Variants in PERCC1 observed in about 807,000 individuals in gnomAD.
The protein encoded by PERCC1 is protein PERCC1.
intron 1 of PERCC1, 75 bp from the exon 2 acceptor site, chr16:1,432,472 C>T (rs7201572): frequency 0.33 from 133,081 of 397,564 alleles, 25,840 homozygotes; most frequent in East Asian, 0.74. Flanking sequence ...GTGTGAGATC[C>T]GAGGGCAGCA....
chr16:1,434,053 C>G lies in PERCC1; in HGVS notation c.*656C>G, dbSNP rs1023828796. Among the ~76,000 whole-genome samples, 6 of 72,648 alleles carry G rather than the reference C, an allele frequency of 8.3e-5. No individual in the cohort carries two copies. Among genetic ancestry groups the G allele is most frequent in the African/African-American group, 4.9e-4 (6 of 12,150 alleles). The allele number at this position is 72,648 out of a possible 152,430, so 47.7% of individuals were successfully genotyped here. A position where few individuals can be genotyped will look rare whatever the true frequency, so the allele number is the denominator to read the frequency against. On this transcript the variant is annotated 3_prime_UTR_variant, in exon 2 of 2. Coordinates refer to ENST00000640283, the MANE Select transcript of PERCC1 (RefSeq NM_001365310.2). Reference sequence around the variant, plus strand: ...AGTCCAGGGGGCTTCCCCGGGTCCTCCTCACAACCCGGGCAGGGGCAGCTC... The same window carrying G: ...AGTCCAGGGGGCTTCCCCGGGTCCTGCTCACAACCCGGGCAGGGGCAGCTC...
Position 1,434,440 on chromosome 16 carries a change from G to C in PERCC1, c.*1043G>C. ...TGGATAAACAGTGAGGGTGTGAGCT[G>C]CTGCACCTGCTCCTGGCTGTGGGGC... On this transcript the variant is annotated 3_prime_UTR_variant, in exon 2 of 2. Transcript: ENST00000640283. 1 of 1,550,364 alleles carries C rather than the reference G, an allele frequency of 6.5e-7. No homozygotes were observed. The highest frequency in any genetic ancestry group is 1.2e-5 in the South Asian group (1 of 84,062).
rs2038443993 is a variant in PERCC1, at chr16:1,431,091, G to A, written c.-65G>A. On this transcript the variant is annotated 5_prime_UTR_variant, in exon 1 of 2. Transcript: ENST00000640283. Reference sequence around the variant, plus strand: ...GTGAAGGTCTGCCTGTGGAGCAAGAGCTGTCGGCCCCGGCCAGGTAGGAGC... The same window carrying A: ...GTGAAGGTCTGCCTGTGGAGCAAGAACTGTCGGCCCCGGCCAGGTAGGAGC... The A allele has an allele frequency of 6.6e-6, 1 of 152,312 alleles. No individual in the cohort carries two copies. The highest frequency in any genetic ancestry group is 1.5e-5 in the Non-Finnish European group (1 of 68,094). 9.4% of individuals were successfully genotyped at this position (152,312 alleles called of 1,614,324 possible).
At chr16:1,432,313 T>C (rs1054025351) in intron 1 of PERCC1, among the ~76,000 whole-genome samples, 4 of 150,962 alleles carry the variant, frequency 2.6e-5, no homozygotes, top group African/African-American at 4.9e-5. Context: ...CAGCACCCCC[T>C]GGCCGGCCAT....
In PERCC1 at chr16:1,432,765, C is replaced by T. The variant is rs561536789; in HGVS notation, c.172C>T (p.Arg58Trp). The T allele has an allele frequency of 5.4e-4, 217 of 399,122 alleles. No individual in the cohort carries two copies. Among genetic ancestry groups the T allele is most frequent in the Non-Finnish European group, 8.0e-4 (181 of 226,424 alleles). 24.7% of individuals were successfully genotyped at this position (399,122 alleles called of 1,614,324 possible). A position where few individuals can be genotyped will look rare whatever the true frequency, so the allele number is the denominator to read the frequency against. The change falls in exon 2 of 2, where the codon CGG becomes TGG. Residue 58 changes from arginine (R) to tryptophan (W), a missense_variant. Physicochemically the swap from Arg to Trp is moderately radical, Grantham distance 101 (BLOSUM62 -3). Coordinates refer to ENST00000640283, the MANE Select transcript of PERCC1 (RefSeq NM_001365310.2). ...GGGCGAGGGGCTGGGGGGCTGCGGC[C>T]GGATCCTCCCGAGCTCAGGCCGGGC... is the stretch of plus-strand genomic sequence containing the variant. ...GEGEGLGGCG[R>W]ILPSSGRAEA...
chr16:1,432,570 C>A lies in PERCC1; in HGVS notation c.-24C>A. The A allele has an allele frequency of 2.5e-6, 1 of 398,884 alleles. No individual in the cohort carries two copies. Among genetic ancestry groups the A allele is most frequent in the Non-Finnish European group, 4.4e-6 (1 of 226,120 alleles). 24.7% of individuals were successfully genotyped at this position (398,884 alleles called of 1,614,324 possible). A position where few individuals can be genotyped will look rare whatever the true frequency, so the allele number is the denominator to read the frequency against. ...AGCCAGCGCCTGCTGCCCCGGAGGC[C>A]CCAGAAGCGTGGGACGCGCGGAGAT... On this transcript the variant is annotated 5_prime_UTR_variant, in exon 2 of 2. Coordinates refer to ENST00000640283, the MANE Select transcript of PERCC1 (RefSeq NM_001365310.2).
rs1449917571 is a variant in PERCC1 at position 1,432,694 on chromosome 16, A to G, written c.101A>G (p.Glu34Gly). 7.7e-6 allele frequency: 3 copies of G among 387,808 alleles called. No homozygotes were observed. Among genetic ancestry groups the G allele is most frequent in the Non-Finnish European group, 9.0e-6 (2 of 223,220 alleles). The allele number at this position is 387,808 out of a possible 1,614,324, so 24.0% of individuals were successfully genotyped here. The stretch of plus-strand genomic sequence containing the variant: ...GATCCGGAGCCCCCAGAGACTTCGG[A>G]GGAGGAAGAGGAGGAGGAGGAGGAG... ...PSDPEPPETS[E>G]EEEEEEEEEE... The change falls in exon 2 of 2, where the codon GAG (glutamate) becomes GGG (glycine). Residue 34 changes from glutamate to glycine, a missense_variant. By Grantham distance (98) the Glu-to-Gly change is moderately conservative. Transcript: ENST00000640283.
chr16:1,431,423 C>T (rs1343214494), intron 1 of PERCC1, among the ~76,000 whole-genome samples: 2 of 152,036 alleles, frequency 1.3e-5, no homozygotes, highest in Non-Finnish European at 2.9e-5. Context: ...GGTCGGGAGG[C>T]CTCGCAGTTC....
rs960899212 is a variant in PERCC1 at position 1,434,044 on chromosome 16, C to T, written c.*647C>T. Among the ~76,000 whole-genome samples, 1 of 109,904 alleles carries T rather than the reference C, an allele frequency of 9.1e-6. No individual in the cohort carries two copies. Among genetic ancestry groups the T allele is most frequent in the Non-Finnish European group, 1.8e-5 (1 of 55,222 alleles). The allele number at this position is 109,904 out of a possible 152,430, so 72.1% of individuals were successfully genotyped here. A position where few individuals can be genotyped will look rare whatever the true frequency, so the allele number is the denominator to read the frequency against. ...GGGAGCCCGAGTCCAGGGGGCTTCC[C>T]CGGGTCCTCCTCACAACCCGGGCAG... On this transcript the variant is annotated 3_prime_UTR_variant, in exon 2 of 2. Transcript: ENST00000640283.
chr16:1,433,894 G>A lies in PERCC1; in HGVS notation c.*497G>A, dbSNP rs772074169. Among the ~76,000 whole-genome samples, 6 of 152,234 alleles carry A rather than the reference G, an allele frequency of 3.9e-5. No individual in the cohort carries two copies. The highest frequency in any genetic ancestry group is 2.6e-4 in the Admixed American group (4 of 15,288). On this transcript the variant is annotated 3_prime_UTR_variant, in exon 2 of 2. Coordinates refer to ENST00000640283, the MANE Select transcript of PERCC1 (RefSeq NM_001365310.2). Reference sequence around the variant, plus strand: ...CCGCGGGATGAGCGAGGGCTTTCTTGGAGAGGCAGGAAGAGGGGCCCACTG... The same window carrying A: ...CCGCGGGATGAGCGAGGGCTTTCTTAGAGAGGCAGGAAGAGGGGCCCACTG...
At position 1,432,054 on chromosome 16, in the gene PERCC1, C is replaced by G. The variant is rs1295992513; in HGVS notation, c.-47-493C>G. 3.3e-5 allele frequency among the ~76,000 whole-genome samples: 5 copies of G among 152,166 alleles called. No individual in the cohort carries two copies. The East Asian group carries it at 9.6e-4, about 29-fold the overall frequency. On this transcript the variant is annotated intron_variant, in intron 1 of 1. Coordinates refer to ENST00000640283, the MANE Select transcript of PERCC1 (RefSeq NM_001365310.2). ...TGGTTCTGACCCACAGCAGCCCCAGCCCGGGACCCAGCTCCGGCTCAGCAG... is the reference window on the plus strand; with the variant it reads ...TGGTTCTGACCCACAGCAGCCCCAGGCCGGGACCCAGCTCCGGCTCAGCAG...
At chr16:1,432,337 C>T (rs912985128) in intron 1 of PERCC1, among the ~76,000 whole-genome samples, 4 of 152,238 alleles carry the variant, frequency 2.6e-5, no homozygotes, top group Non-Finnish European at 5.9e-5. Context: ...CCTCATGCCA[C>T]GGCCATGCGG....
rs529284580 is a variant in PERCC1 at position 1,433,607 on chromosome 16, T to G, written c.*210T>G. On this transcript the variant is annotated 3_prime_UTR_variant, in exon 2 of 2. Transcript: ENST00000640283. ...TGGCCTTCAGCCCCAGCAGAGCCCC[T>G]GGAGGGGCACAGGGGCCCCCAGAGC... is the stretch of plus-strand genomic sequence containing the variant. 6.6e-6 allele frequency among the ~76,000 whole-genome samples: 1 copy of G among 152,138 alleles called. No homozygotes were observed. Among genetic ancestry groups the G allele is most frequent in the East Asian group, 1.9e-4 (1 of 5,174 alleles).
At position 1,434,228 on chromosome 16, in the gene PERCC1, C is replaced by G. The variant is rs566398955; in HGVS notation, c.*831C>G. On this transcript the variant is annotated 3_prime_UTR_variant, in exon 2 of 2. Transcript: ENST00000640283. ...GCCATGGAAAGCAACAGCCTGAAGC[C>G]GGGCTGGGTTTGGGCAGGACAGGAA... Among the ~76,000 whole-genome samples, 1 of 152,170 alleles carries G rather than the reference C, an allele frequency of 6.6e-6. No individual in the cohort carries two copies. Among genetic ancestry groups the G allele is most frequent in the Admixed American group, 6.5e-5 (1 of 15,288 alleles).
Position 1,433,366 on chromosome 16 carries a change from C to T in PERCC1, c.773C>T (p.Ala258Val). 1 of 398,582 alleles carries T rather than the reference C, an allele frequency of 2.5e-6. No homozygotes were observed. The highest frequency in any genetic ancestry group is 4.4e-6 in the Non-Finnish European group (1 of 226,026). 24.7% of individuals were successfully genotyped at this position (398,582 alleles called of 1,614,324 possible). ...GAGCTGCCCGGCAGGGGAACCCCAG[C>T]CCTGGAAGGGGCACGGCCAGCCGAG... is the stretch of plus-strand genomic sequence containing the variant. ...CPELPGRGTP[A>V]LEGARPAEA The change falls in exon 2 of 2, where the codon GCC becomes GTC. Residue 258 changes from alanine to valine, a missense_variant. Transcript: ENST00000640283.
Position 1,433,496 on chromosome 16 carries a change from G to C in PERCC1, c.*99G>C, listed in dbSNP as rs969218481. 2.5e-6 allele frequency: 1 copy of C among 398,036 alleles called. No individual in the cohort carries two copies. Among genetic ancestry groups the C allele is most frequent in the Admixed American group, 4.4e-5 (1 of 22,712 alleles). The allele number at this position is 398,036 out of a possible 1,614,324, so 24.7% of individuals were successfully genotyped here. A position where few individuals can be genotyped will look rare whatever the true frequency, so the allele number is the denominator to read the frequency against. ...CTGGGAAGAGCCTCCTCCGTCCCTC[G>C]CGGCCACCACAGGGCAAACCCAGAG... On this transcript the variant is annotated 3_prime_UTR_variant, in exon 2 of 2. Coordinates refer to ENST00000640283, the MANE Select transcript of PERCC1 (RefSeq NM_001365310.2).
At chr16:1,431,284 G>T (rs1486788438) in intron 1 of PERCC1, among the ~76,000 whole-genome samples, 176 bp downstream of exon 1, 3 of 152,084 alleles carry the variant, frequency 2.0e-5, no homozygotes, top group African/African-American at 7.2e-5. Context: ...GGCCGCCATG[G>T]GAGGGCACCT....
rs1469699763 is a variant in PERCC1 at position 1,432,824 on chromosome 16, C to T, written c.231C>T (p.Pro77=). ...EATEEAAPEG[P]GSPETPLQLL... ...CGGAGGAAGCAGCCCCCGAGGGTCC[C>T]GGCAGCCCCGAGACCCCGCTGCAGC... Residue 77 remains proline, a synonymous_variant, in exon 2 of 2, where the codon CCC becomes CCT. Transcript: ENST00000640283. 12 of 398,462 alleles carry T rather than the reference C, an allele frequency of 3.0e-5. No individual in the cohort carries two copies. The highest frequency in any genetic ancestry group is 4.4e-5 in the Admixed American group (1 of 22,724). The allele number at this position is 398,462 out of a possible 1,614,324, so 24.7% of individuals were successfully genotyped here. A position where few individuals can be genotyped will look rare whatever the true frequency, so the allele number is the denominator to read the frequency against.
intron 1 of PERCC1, among the ~76,000 whole-genome samples, chr16:1,431,705 G>A (rs1228808444): frequency 6.6e-6 from 1 of 152,088 alleles, no homozygotes; most frequent in African/African-American, 2.4e-5. Context: ...TTGTCTGTGT[G>A]GTGGGCACTA....
Sources: gnomAD v4.1 joint callset for allele counts (sites outside exome capture counted in the v4.1 genomes callset) on GRCh38, gnomAD v4.1.1 for gene constraint, MANE v1.5 for transcripts, NCBI Gene and HGNC (gene_info 2026-07-23, HGNC 2026-07-21) for gene names.